CELF4: variants seen among roughly 807,000 people sequenced by gnomAD.
CELF4 encodes CUGBP Elav-like family member 4.
A neutral mutation model predicts 59.9 loss-of-function variants in CELF4; 18 were observed. The ratio of observed to expected loss-of-function variants is 0.30; its 90% confidence interval spans 0.21 to 0.45. CELF4 has a LOEUF of 0.45. Ranked by LOEUF, CELF4 falls within the 20% of genes least tolerant of loss-of-function variation. The pLI is 1.00. For missense variants in CELF4, 456 were observed against 689.0 expected (o/e 0.66, Z 3.79); for synonymous variants, 261 against 267.1 (o/e 0.98, Z 0.22).
intron 2 of CELF4, among the ~76,000 whole-genome samples, chr18:37,349,271 C>T (rs2098383943): frequency 6.6e-6 from 1 of 152,216 alleles, no homozygotes; most frequent in Non-Finnish European, 1.5e-5. Flanking sequence ...CCAGGATGTC[C>T]CTCCTATCTG....
At chr18:37,423,852 C>T (rs1450543724) in intron 2 of CELF4, among the ~76,000 whole-genome samples, 1 of 151,886 alleles carries the variant, frequency 6.6e-6, no homozygotes, top group Non-Finnish European at 1.5e-5. Context: ...ACTGGGGGTT[C>T]ATCATGCTTT....
At chr18:37,410,941 C>A (rs1227910748) in intron 2 of CELF4, among the ~76,000 whole-genome samples, 1 of 152,188 alleles carries the variant, frequency 6.6e-6, no homozygotes, top group Non-Finnish European at 1.5e-5. Flanking sequence ...GGGAGAGGCA[C>A]TACTTCCCAA....
At chr18:37,440,348 G>A (rs993182435) in intron 2 of CELF4, among the ~76,000 whole-genome samples, 3 of 152,142 alleles carry the variant, frequency 2.0e-5, no homozygotes, top group South Asian at 2.1e-4. Flanking sequence ...GGGCAGGCAC[G>A]TCCTTGCTCC....
intron 12 of CELF4, among the ~76,000 whole-genome samples, chr18:37,248,458 G>A (rs2063409301): frequency 6.6e-6 from 1 of 152,090 alleles, no homozygotes; most frequent in African/African-American, 2.4e-5. Context: ...AGGGGGCCAT[G>A]TGCAAGGCTG....
chr18:37,547,257 C>T (rs1276380567), intron 1 of CELF4, among the ~76,000 whole-genome samples: 1 of 151,676 alleles, frequency 6.6e-6, no homozygotes, highest in Non-Finnish European at 1.5e-5. Flanking sequence ...CCAACAGGAG[C>T]CCCCCCAGGC....
chr18:37,399,818 A>G (rs923374270), intron 2 of CELF4, among the ~76,000 whole-genome samples: 3 of 152,188 alleles, frequency 2.0e-5, no homozygotes, highest in African/African-American at 7.2e-5. Context: ...TGGGCAAATC[A>G]ATTCAGTTAT....
chr18:37,321,039 C>A (rs1464956234), intron 3 of CELF4, among the ~76,000 whole-genome samples: 4 of 152,088 alleles, frequency 2.6e-5, no homozygotes. Context: ...GAGCCTAGGG[C>A]CAGGGCTGTG....
chr18:37,272,171 G>A (rs7227458), intron 7 of CELF4, among the ~76,000 whole-genome samples: 68,678 of 152,036 alleles, frequency 0.45, 15,943 homozygotes, highest in Non-Finnish European at 0.49. Flanking sequence ...AGAGCCTGGG[G>A]TGCAGGACCA....
At chr18:37,424,169 G>A (rs1261939533) in intron 2 of CELF4, among the ~76,000 whole-genome samples, 1 of 152,166 alleles carries the variant, frequency 6.6e-6, no homozygotes, top group East Asian at 1.9e-4. Context: ...TCCTGCAAGG[G>A]CCTGATTTGC....
intron 2 of CELF4, among the ~76,000 whole-genome samples, chr18:37,408,132 TC>T (rs1355414838): frequency 6.6e-6 from 1 of 152,184 alleles, no homozygotes. Context: ...CTACCTTTCC[TC>T]TTTCCCACCT....
chr18:37,526,570 T>C (rs35164828), intron 1 of CELF4, among the ~76,000 whole-genome samples: 66,842 of 152,082 alleles, frequency 0.44, 15,833 homozygotes, highest in East Asian at 0.77. Context: ...GAGCCACCTG[T>C]GTCAAAGTAG....
chr18:37,478,775 C>T (rs1466907460), intron 2 of CELF4, among the ~76,000 whole-genome samples: 1 of 152,220 alleles, frequency 6.6e-6, no homozygotes, highest in Non-Finnish European at 1.5e-5. Context: ...CCCTCAGTAC[C>T]TGGATTTAAA....
chr18:37,442,907 A>G (rs1306584506), intron 2 of CELF4, among the ~76,000 whole-genome samples: 1 of 152,160 alleles, frequency 6.6e-6, no homozygotes, highest in East Asian at 1.9e-4. Context: ...ACCTGCTACC[A>G]ACCACACTGC....
chr18:37,318,728 A>G (rs1275561448), intron 3 of CELF4, among the ~76,000 whole-genome samples: 2 of 149,842 alleles, frequency 1.3e-5, no homozygotes, highest in East Asian at 4.1e-4. Context: ...GAGAAAGCCG[A>G]TGAGGTTAGC....
At chr18:37,418,887 G>C (rs1267815216) in intron 2 of CELF4, among the ~76,000 whole-genome samples, 1 of 152,214 alleles carries the variant, frequency 6.6e-6, no homozygotes, top group Non-Finnish European at 1.5e-5. Context: ...CAGGCTTTCT[G>C]TCTGAGCAAA....
intron 2 of CELF4, among the ~76,000 whole-genome samples, chr18:37,364,013 G>T (rs2154561409): frequency 6.6e-6 from 1 of 152,338 alleles, no homozygotes; most frequent in East Asian, 1.9e-4. Flanking sequence ...GGGGCCCTCT[G>T]AGGAGAGGCC....
At chr18:37,505,360 ATCT>A (rs1430695140) in intron 1 of CELF4, among the ~76,000 whole-genome samples, 1 of 152,164 alleles carries the variant, frequency 6.6e-6, no homozygotes, top group Admixed American at 6.5e-5. Flanking sequence ...TTCCTGGTTA[ATCT>A]TCTTTGGAAA....
intron 2 of CELF4, among the ~76,000 whole-genome samples, chr18:37,357,169 G>A (rs1489207300): frequency 6.6e-6 from 1 of 152,224 alleles, no homozygotes; most frequent in Non-Finnish European, 1.5e-5. Context: ...AGGAGCTGAG[G>A]TTTGAGCTTG....
chr18:37,327,339 T>C (rs559032393), intron 2 of CELF4, among the ~76,000 whole-genome samples: 1 of 152,280 alleles, frequency 6.6e-6, no homozygotes, highest in Admixed American at 6.5e-5. Flanking sequence ...CTACTACTCC[T>C]TTCCTGGTCC....
Sources: gnomAD v4.1 joint callset for allele counts (sites outside exome capture counted in the v4.1 genomes callset) on GRCh38, gnomAD v4.1.1 for gene constraint, MANE v1.5 for transcripts, NCBI Gene and HGNC (gene_info 2026-07-23, HGNC 2026-07-21) for gene names.